The following MARK2 variants were observed in gnomAD, a reference collection of about 807,000 sequenced individuals.
MARK2 encodes the protein microtubule affinity regulating kinase 2.
Under a neutral mutation model 89.8 loss-of-function variants are expected in MARK2, and 16 were observed. That is an observed-to-expected ratio of 0.18 (90% CI 0.12 to 0.27). The LOEUF (loss-of-function observed/expected upper bound fraction) is 0.27. MARK2 is among the 10% of genes least tolerant of loss of function. The pLI is 1.00. For synonymous variants in MARK2, 382 were observed against 399.5 expected (o/e 0.96, Z 0.52); for missense variants, 621 against 1,049.9 (o/e 0.59, Z 5.65).
chr11:63,851,554 A>T (rs2135211553), intron 1 of MARK2, among the ~76,000 whole-genome samples: 1 of 151,748 alleles, frequency 6.6e-6, no homozygotes, highest in Non-Finnish European at 1.5e-5. Flanking sequence ...TTTCTTCATT[A>T]TCATGTCCTC....
chr11:63,874,160 C>G (rs768431428), intron 1 of MARK2, among the ~76,000 whole-genome samples: 22 of 152,200 alleles, frequency 1.4e-4, no homozygotes, highest in Non-Finnish European at 3.2e-4. Flanking sequence ...GGTTGACCCT[C>G]TGGTTAGAGA....
intron 1 of MARK2, among the ~76,000 whole-genome samples, chr11:63,874,893 G>A (rs1243437973): frequency 1.3e-5 from 2 of 152,166 alleles, no homozygotes; most frequent in African/African-American, 4.8e-5. Context: ...CTTAGGACTG[G>A]GTGGGAAAAG....
chr11:63,898,922 C>T, intron 6 of MARK2, 89 bp downstream of exon 6: 3 of 1,311,666 alleles, frequency 2.3e-6, no homozygotes, highest in Non-Finnish European at 3.3e-6. Context: ...TGTAAGTGGC[C>T]CTTGGAGGGT....
At chr11:63,868,219 C>A (rs1282881520) in intron 1 of MARK2, among the ~76,000 whole-genome samples, 1 of 151,958 alleles carries the variant, frequency 6.6e-6, no homozygotes, top group African/African-American at 2.4e-5. Context: ...TAGCGAAACC[C>A]TGTCTCTATA....
rs1018118556 is a variant in MARK2, at chr11:63,895,819, G to T, written c.288+186G>T. ...CGAGTAGCTGGGATTATAGGCACCCGCCACCACACCTGGCTAAGTTTTGTA... is the reference window on the plus strand; with the variant it reads ...CGAGTAGCTGGGATTATAGGCACCCTCCACCACACCTGGCTAAGTTTTGTA... On this transcript the variant is annotated intron_variant, in intron 3 of 18. Transcript: ENST00000402010. Among the ~76,000 whole-genome samples, 6 of 151,756 alleles carry T rather than the reference G, an allele frequency of 4.0e-5. No homozygotes were observed. The East Asian group carries it at 1.2e-3, about 29-fold the overall frequency.
intron 1 of MARK2, among the ~76,000 whole-genome samples, chr11:63,878,359 C>CTTTTT (rs59251368): frequency 1.9e-4 from 14 of 72,746 alleles, no homozygotes; most frequent in Non-Finnish European, 2.6e-4. Context: ...TTGTTCAAGT[C>CTTTTT]TTTTTTTTTT....
chr11:63,903,634 G>C lies in MARK2; in HGVS notation c.1515-352G>C, dbSNP rs1941080540. On this transcript the variant is annotated intron_variant, in intron 14 of 18. Coordinates refer to ENST00000402010, the MANE Select transcript of MARK2 (RefSeq NM_001039469.3). The surrounding 1 kb of genome is among the most constrained non-coding windows in gnomAD (Gnocchi z 5.1). ...CTGGCTCTATCTCTTCTGAGTTTAT[G>C]AAAGTTTCCCCTCAGCAACACCCCA... Among the ~76,000 whole-genome samples, 1 of 151,998 alleles carries C rather than the reference G, an allele frequency of 6.6e-6. No homozygotes were observed. The highest frequency in any genetic ancestry group is 2.1e-4 in the South Asian group (1 of 4,826).
At chr11:63,854,813 A>C (rs80155047) in intron 1 of MARK2, among the ~76,000 whole-genome samples, 11 of 25,254 alleles carry the variant, frequency 4.4e-4, no homozygotes, top group Admixed American at 4.1e-3. Flanking sequence ...ACACCATCCC[A>C]AAAAAAAAAA....
At chr11:63,890,697 G>T (rs1212620382) in intron 1 of MARK2, among the ~76,000 whole-genome samples, 1 of 152,230 alleles carries the variant, frequency 6.6e-6, no homozygotes, top group African/African-American at 2.4e-5. Flanking sequence ...GCTCAACTTC[G>T]ATTTGGAAGG....
chr11:63,902,478 C>G lies in MARK2; in HGVS notation c.1235-123C>G, dbSNP rs1565143997. The G allele has an allele frequency of 7.3e-7, 1 of 1,378,810 alleles. No homozygotes were observed. Among genetic ancestry groups the G allele is most frequent in the African/African-American group, 1.4e-5 (1 of 70,232 alleles). 85.4% of individuals were successfully genotyped at this position (1,378,810 alleles called of 1,614,324 possible). A position where few individuals can be genotyped will look rare whatever the true frequency, so the allele number is the denominator to read the frequency against. On this transcript the variant is annotated intron_variant, in intron 12 of 18. Transcript: ENST00000402010. The surrounding 1 kb of genome is among the most constrained non-coding windows in gnomAD (Gnocchi z 4.2). ...GCTATGGGCAAGCCACTTCCCTTCC[C>G]TCGCCTCTGTGGAATGGGGGCTTGC... is the stretch of plus-strand genomic sequence containing the variant.
chr11:63,882,864 G>A (rs1337279241), intron 1 of MARK2, among the ~76,000 whole-genome samples: 2 of 152,146 alleles, frequency 1.3e-5, no homozygotes, highest in Non-Finnish European at 2.9e-5. Context: ...AGGTTAGGAG[G>A]AAGCCCAGCC....
chr11:63,901,422 G>GGTGTGT (rs147425490), intron 11 of MARK2, among the ~76,000 whole-genome samples: 3 of 139,588 alleles, frequency 2.1e-5, no homozygotes, highest in South Asian at 2.2e-4. Context: ...TACATTTCTG[G>GGTGTGT]GTGTGTGTGT....
intron 1 of MARK2, among the ~76,000 whole-genome samples, chr11:63,854,938 A>G (rs2016767298): frequency 6.6e-6 from 1 of 152,064 alleles, no homozygotes; most frequent in Non-Finnish European, 1.5e-5. Flanking sequence ...AGGGATCATA[A>G]TTTTTTCTTG....
intron 1 of MARK2, among the ~76,000 whole-genome samples, chr11:63,879,775 TG>T (rs1938981652): frequency 6.6e-6 from 1 of 152,132 alleles, no homozygotes; most frequent in South Asian, 2.1e-4. Flanking sequence ...TGGTTTCTGA[TG>T]TGCTCTGACC....
intron 1 of MARK2, among the ~76,000 whole-genome samples, chr11:63,877,655 G>C (rs934145425): frequency 6.6e-6 from 1 of 152,006 alleles, no homozygotes; most frequent in South Asian, 2.1e-4. Flanking sequence ...AGCCAAGATC[G>C]CGCCACTGCA....
At chr11:63,880,169 T>C (rs1251485036) in intron 1 of MARK2, 1 of 151,972 alleles carries the variant, frequency 6.6e-6, no homozygotes, top group Non-Finnish European at 1.5e-5. Flanking sequence ...CTTTTTTACT[T>C]TGTGTTGGCA....
chr11:63,902,999 G>C lies in MARK2; in HGVS notation c.1417-62G>C. 1.4e-6 allele frequency: 2 copies of C among 1,417,354 alleles called. No homozygotes were observed. Among genetic ancestry groups the C allele is most frequent in the Non-Finnish European group, 1.0e-6 (1 of 1,002,854 alleles). The allele number at this position is 1,417,354 out of a possible 1,614,324, so 87.8% of individuals were successfully genotyped here. A position where few individuals can be genotyped will look rare whatever the true frequency, so the allele number is the denominator to read the frequency against. On this transcript the variant is annotated intron_variant, in intron 13 of 18. Coordinates refer to ENST00000402010, the MANE Select transcript of MARK2 (RefSeq NM_001039469.3). This position sits in a 1 kb window ranked among gnomAD's most constrained non-coding sequence, Gnocchi z 4.2. Reference sequence around the variant, plus strand: ...GAAGCCTGTTCCATGAACCTGGGGGGAGAACCTGGCTGTAGACCACTTTGG... The same window carrying C: ...GAAGCCTGTTCCATGAACCTGGGGGCAGAACCTGGCTGTAGACCACTTTGG...
At position 63,910,666 on chromosome 11, in the gene MARK2, T is replaced by TC. The variant is rs55956222; in HGVS notation, c.*1429_*1430insC. 39 of 148,904 alleles carry TC rather than the reference T, an allele frequency of 2.6e-4. No homozygotes were observed. The highest frequency in any genetic ancestry group is 9.4e-4 in the African/African-American group (38 of 40,600). 9.2% of individuals were successfully genotyped at this position (148,904 alleles called of 1,614,324 possible). A position where few individuals can be genotyped will look rare whatever the true frequency, so the allele number is the denominator to read the frequency against. On this transcript the variant is annotated 3_prime_UTR_variant, in exon 19 of 19. Transcript: ENST00000402010. ...TATTTTATTTTATTTTTTTTTTTTT[T>TC]GATTTATGATGACTCCACCCCTCTT...
chr11:63,906,717 A>C (rs1233476264), intron 17 of MARK2, among the ~76,000 whole-genome samples: 1 of 151,598 alleles, frequency 6.6e-6, no homozygotes, highest in East Asian at 1.9e-4. Flanking sequence ...CTGGGGCCCC[A>C]AGGTTTCAGT....
Sources: allele counts gnomAD v4.1 joint callset (sites outside exome capture counted in the v4.1 genomes callset), GRCh38; gene constraint gnomAD v4.1.1; non-coding constraint Gnocchi (gnomAD v3.1); transcripts MANE v1.5; gene names NCBI Gene and HGNC (gene_info 2026-07-23, HGNC 2026-07-21).